The following EIF4G3 variants were observed in gnomAD, a reference collection of about 807,000 sequenced individuals.
EIF4G3 encodes the protein eIF-4-gamma 3.
A neutral mutation model predicts 186.4 loss-of-function variants in EIF4G3; 34 were observed. The observed-to-expected ratio is 0.18, with a 90% CI of 0.14 to 0.24. The LOEUF is 0.24. EIF4G3 is among the 10% of genes least tolerant of loss of function. The pLI is 1.00. For synonymous variants in EIF4G3, 673 were observed against 679.5 expected (o/e 0.99, Z 0.15); for missense variants, 1,536 against 1,948.5 (o/e 0.79, Z 3.99).
intron 33 of EIF4G3, among the ~76,000 whole-genome samples, chr1:20,819,570 G>A (rs1164385497): frequency 3.3e-5 from 5 of 152,004 alleles, no homozygotes; most frequent in African/African-American, 7.2e-5. Flanking sequence ...GATCCTTAGC[G>A]AACTAATGCA....
intron 34 of EIF4G3, 44 bp downstream of exon 34, chr1:20,817,348 T>A: frequency 7.4e-7 from 1 of 1,344,410 alleles, no homozygotes; most frequent in Admixed American, 2.4e-5. Flanking sequence ...CCCACAAGAA[T>A]CTTTCCTGTA....
chr1:21,007,533 A>AAC (rs1557470291), intron 4 of EIF4G3, among the ~76,000 whole-genome samples: 1 of 138,180 alleles, frequency 7.2e-6, no homozygotes, highest in Non-Finnish European at 1.5e-5. Flanking sequence ...AAAAAAAAAA[A>AAC]AAAACACACT....
At chr1:21,021,187 T>C (rs944301646) in intron 4 of EIF4G3, among the ~76,000 whole-genome samples, 1 of 152,190 alleles carries the variant, frequency 6.6e-6, no homozygotes, top group African/African-American at 2.4e-5. Flanking sequence ...TTTTGCCATG[T>C]TGGCCAGATT....
chr1:21,037,236 GAA>G (rs111345588), intron 4 of EIF4G3, among the ~76,000 whole-genome samples: 129 of 107,734 alleles, frequency 1.2e-3, no homozygotes, highest in Admixed American at 1.7e-3. Flanking sequence ...TCAGAAAAAG[GAA>G]AAAAAAAAAA....
At chr1:21,159,377 T>C (rs2097717720) in intron 2 of EIF4G3, among the ~76,000 whole-genome samples, 1 of 151,256 alleles carries the variant, frequency 6.6e-6, no homozygotes, top group Non-Finnish European at 1.5e-5. Context: ...GAGTTTGAGA[T>C]TGCAGTGAGC....
chr1:21,137,286 G>A lies in EIF4G3; in HGVS notation c.-272+38889C>T, dbSNP rs137923056. Among the ~76,000 whole-genome samples, 417 of 151,886 alleles carry A rather than the reference G, an allele frequency of 2.7e-3. 1 individual carries two copies. Among genetic ancestry groups the A allele is most frequent in the Middle Eastern group, 6.8e-3 (2 of 294 alleles). On this transcript the variant is annotated intron_variant, in intron 2 of 36. Coordinates refer to ENST00000602326, the MANE Select transcript of EIF4G3 (RefSeq NM_001391906.1). ...AGCCTGATGACTACCTGGGGCTACA[G>A]GTGTGCACCACCACACTTGGCTAAT...
chr1:21,116,434 T>A (rs1229635447), intron 2 of EIF4G3, among the ~76,000 whole-genome samples: 1 of 152,110 alleles, frequency 6.6e-6, no homozygotes, highest in Non-Finnish European at 1.5e-5. Flanking sequence ...TCTTAACAAA[T>A]GACTTGTCTA....
At chr1:21,173,890 G>A (rs552793840) in intron 2 of EIF4G3, among the ~76,000 whole-genome samples, 3 of 152,202 alleles carry the variant, frequency 2.0e-5, no homozygotes, top group African/African-American at 7.2e-5. Flanking sequence ...CTCCCTCAGG[G>A]TAGAAAAGTA....
chr1:21,029,078 C>T (rs1006775989), intron 4 of EIF4G3, among the ~76,000 whole-genome samples: 1 of 151,862 alleles, frequency 6.6e-6, no homozygotes, highest in Non-Finnish European at 1.5e-5. Flanking sequence ...GGTACAGTGG[C>T]GTGATCCCGG....
rs1284315960 is a variant in EIF4G3 at position 20,806,832 on chromosome 1, C to T, written c.*487G>A. On this transcript the variant is annotated 3_prime_UTR_variant, in exon 37 of 37. Transcript: ENST00000602326. Reference sequence around the variant, plus strand: ...TCTTTCTTACCTTGTTCACCCCAAACTTTCTCAAATCTGGACTAAATGCTA... The same window carrying T: ...TCTTTCTTACCTTGTTCACCCCAAATTTTCTCAAATCTGGACTAAATGCTA... 1 of 152,132 alleles carries T rather than the reference C, an allele frequency of 6.6e-6. No homozygotes were observed. The highest frequency in any genetic ancestry group is 1.5e-5 in the Non-Finnish European group (1 of 67,962). The allele number at this position is 152,132 out of a possible 1,614,324, so 9.4% of individuals were successfully genotyped here. A position where few individuals can be genotyped will look rare whatever the true frequency, so the allele number is the denominator to read the frequency against.
intron 13 of EIF4G3, among the ~76,000 whole-genome samples, chr1:20,947,513 T>C (rs1003211021): frequency 2.7e-5 from 4 of 149,022 alleles, no homozygotes; most frequent in Non-Finnish European, 5.9e-5. Flanking sequence ...ATTAGAAATG[T>C]TACTGTTTGA....
intron 13 of EIF4G3, among the ~76,000 whole-genome samples, chr1:20,945,320 GA>G (rs979930129): frequency 2.6e-5 from 4 of 151,806 alleles, no homozygotes; most frequent in South Asian, 2.1e-4. Flanking sequence ...GAAAAAAGGA[GA>G]AAAAAGGAAA....
chr1:20,922,303 GTCTA>G (rs755183602), intron 14 of EIF4G3, among the ~76,000 whole-genome samples: 3 of 152,016 alleles, frequency 2.0e-5, no homozygotes, highest in Non-Finnish European at 2.9e-5. Context: ...TAGCTTCAAA[GTCTA>G]TCTCTTTTTT....
chr1:21,114,616 C>T (rs1038267549), intron 2 of EIF4G3, among the ~76,000 whole-genome samples: 5 of 151,738 alleles, frequency 3.3e-5, no homozygotes, highest in Non-Finnish European at 1.5e-5. Context: ...TCATTAAGAC[C>T]ACTGTTGGAC....
In EIF4G3 at chr1:20,899,570, T is replaced by C; in HGVS notation, c.1999+127A>G. The C allele has an allele frequency of 2.4e-6, 3 of 1,227,396 alleles. No homozygotes were observed. The South Asian group carries it at 4.4e-5, about 18-fold the overall frequency. The allele number at this position is 1,227,396 out of a possible 1,614,324, so 76.0% of individuals were successfully genotyped here. ...TCACTAACTTGGGCTTGCTGATCTGTCCTGTAAATATTATATTGTGATAAA... is the reference window on the plus strand; with the variant it reads ...TCACTAACTTGGGCTTGCTGATCTGCCCTGTAAATATTATATTGTGATAAA... On this transcript the variant is annotated intron_variant, in intron 16 of 36. Coordinates refer to ENST00000602326, the MANE Select transcript of EIF4G3 (RefSeq NM_001391906.1).
At chr1:20,858,040 C>T (rs76101534) in intron 24 of EIF4G3, among the ~76,000 whole-genome samples, 4,986 of 152,250 alleles carry the variant, frequency 0.033, 157 homozygotes, top group East Asian at 0.12. Context: ...CTACTACCAA[C>T]ATTAGCAGTT....
chr1:20,987,687 T>C (rs893092154), intron 7 of EIF4G3, among the ~76,000 whole-genome samples: 22 of 151,932 alleles, frequency 1.4e-4, no homozygotes, highest in South Asian at 1.0e-3. Flanking sequence ...CTGTCTGTTG[T>C]CCCCCCGCCT....
intron 3 of EIF4G3, among the ~76,000 whole-genome samples, chr1:21,054,801 A>G (rs972656818): frequency 2.0e-5 from 3 of 151,856 alleles, no homozygotes; most frequent in African/African-American, 7.2e-5. Flanking sequence ...CTTCAGGATC[A>G]GCTACCTGAT....
chr1:21,173,468 C>T (rs1366553522), intron 2 of EIF4G3, among the ~76,000 whole-genome samples: 1 of 152,122 alleles, frequency 6.6e-6, no homozygotes, highest in Non-Finnish European at 1.5e-5. Flanking sequence ...AGGCGGATCA[C>T]CTGAAGCCAG....
Sources: allele counts gnomAD v4.1 joint callset (sites outside exome capture counted in the v4.1 genomes callset), GRCh38; gene constraint gnomAD v4.1.1; transcripts MANE v1.5; gene names NCBI Gene and HGNC (gene_info 2026-07-23, HGNC 2026-07-21).